SDK1: variants seen among roughly 807,000 people sequenced by gnomAD.
SDK1 encodes protein sidekick-1.
In SDK1, 157 loss-of-function variants were observed where a neutral mutation model predicts 245.5. The ratio of observed to expected loss-of-function variants is 0.64; its 90% CI spans 0.56 to 0.73. The LOEUF (loss-of-function observed/expected upper bound fraction) is 0.73. Among genes scored for constraint, SDK1 ranks in the 30% least tolerant of loss-of-function variants. The pLI is 0.00. For missense variants in SDK1, 3,583 were observed against 3,002.3 expected, an observed-to-expected ratio of 1.19 and a Z score of -4.52; for synonymous variants, 1,647 against 1,278.5, an observed-to-expected ratio of 1.29 and a Z score of -6.15.
intron 22 of SDK1, among the ~76,000 whole-genome samples, chr7:4,108,345 A>C (rs1439177448): frequency 6.6e-6 from 1 of 152,074 alleles, no homozygotes; most frequent in African/African-American, 2.4e-5. Flanking sequence ...ATCTATCCAC[A>C]TAACTCTTGT....
intron 1 of SDK1, among the ~76,000 whole-genome samples, chr7:3,445,121 A>T (rs1476348134): frequency 1.3e-5 from 2 of 152,158 alleles, no homozygotes; most frequent in African/African-American, 4.8e-5. Context: ...TACTCTGTTG[A>T]AAAGGCAGAT....
chr7:4,016,588 C>T (rs1786416604), intron 16 of SDK1, among the ~76,000 whole-genome samples: 2 of 152,212 alleles, frequency 1.3e-5, no homozygotes, highest in African/African-American at 4.8e-5. Flanking sequence ...ATGCTAAGAA[C>T]ATAGTACCCA....
At chr7:4,247,237 T>G (rs1786934303) in intron 44 of SDK1, among the ~76,000 whole-genome samples, 1 of 152,136 alleles carries the variant, frequency 6.6e-6, no homozygotes, top group African/African-American at 2.4e-5. Context: ...TCTTTTCAAC[T>G]GTGGGTTGTA....
At chr7:3,671,149 C>T (rs755328736) in intron 4 of SDK1, among the ~76,000 whole-genome samples, 1 of 152,152 alleles carries the variant, frequency 6.6e-6, no homozygotes, top group African/African-American at 2.4e-5. Flanking sequence ...AGTCATTACT[C>T]AGTATATTTA....
At chr7:3,893,287 T>A (rs1781507411) in intron 5 of SDK1, among the ~76,000 whole-genome samples, 1 of 151,920 alleles carries the variant, frequency 6.6e-6, no homozygotes, top group Non-Finnish European at 1.5e-5. Context: ...GGCACGGGGG[T>A]CATCCCACCT....
chr7:3,387,206 G>T (rs372429861), intron 1 of SDK1, among the ~76,000 whole-genome samples: 1 of 152,198 alleles, frequency 6.6e-6, no homozygotes, highest in African/African-American at 2.4e-5. Context: ...GTGTACTAGG[G>T]ATTGCCTACT....
At chr7:4,211,917 G>C (rs531593156) in intron 38 of SDK1, among the ~76,000 whole-genome samples, 79 of 152,242 alleles carry the variant, frequency 5.2e-4, no homozygotes, top group African/African-American at 1.9e-3. Flanking sequence ...CCCCTGCTTA[G>C]GTGTTATTCC....
rs767486872 is a variant in SDK1, at chr7:3,392,597, T to G, written c.298+90713T>G. ...CATTTCAAACAGAAACTGCAACTTC[T>G]AAGCAATAATTTCCCATTTCTTCCT... On this transcript the variant is annotated intron_variant, in intron 1 of 44. Transcript: ENST00000404826. Among the ~76,000 whole-genome samples, 171 of 152,310 alleles carry G rather than the reference T, an allele frequency of 1.1e-3. 2 individuals carry two copies. The highest frequency in any genetic ancestry group is 6.2e-4 in the South Asian group (3 of 4,828).
At chr7:3,345,944 C>T (rs529526622) in intron 1 of SDK1, among the ~76,000 whole-genome samples, 5 of 152,236 alleles carry the variant, frequency 3.3e-5, no homozygotes, top group East Asian at 1.9e-4. Flanking sequence ...TGCAGTTATT[C>T]GGTTCTTGTT....
At chr7:3,991,722 C>A (rs531674141) in intron 14 of SDK1, among the ~76,000 whole-genome samples, 1 of 152,142 alleles carries the variant, frequency 6.6e-6, no homozygotes, top group Non-Finnish European at 1.5e-5. Flanking sequence ...AGAGTGGGTA[C>A]CATGGTTGCC....
rs193084038 is a variant in SDK1 at position 4,121,385 on chromosome 7, G to A, written c.3824-5996G>A. ...TGATTGGATCATGGGGGCAATTTCC[G>A]CCATGCTGTTCTCATGATAGTGAGT... On this transcript the variant is annotated intron_variant, in intron 25 of 44. Coordinates refer to ENST00000404826, the MANE Select transcript of SDK1 (RefSeq NM_152744.4). Among the ~76,000 whole-genome samples, 25 of 152,160 alleles carry A rather than the reference G, an allele frequency of 1.6e-4. No homozygotes were observed. The South Asian group carries it at 2.9e-3, about 18-fold the overall frequency.
At chr7:3,827,563 A>G (rs1779808243) in intron 5 of SDK1, among the ~76,000 whole-genome samples, 1 of 152,258 alleles carries the variant, frequency 6.6e-6, no homozygotes, top group Non-Finnish European at 1.5e-5. Context: ...TTTGCTGTCT[A>G]CAAAACGAGG....
At chr7:4,191,510 A>G (rs1244520808) in intron 35 of SDK1, among the ~76,000 whole-genome samples, 1 of 152,252 alleles carries the variant, frequency 6.6e-6, no homozygotes, top group Non-Finnish European at 1.5e-5. Flanking sequence ...CCAGGTCGCC[A>G]CGCTGGCAGC....
chr7:3,405,148 T>TAA (rs796268534), intron 1 of SDK1, among the ~76,000 whole-genome samples: 6 of 131,610 alleles, frequency 4.6e-5, no homozygotes, highest in African/African-American at 2.0e-4. Flanking sequence ...TCCTCATTTG[T>TAA]AAAAAAAAAC....
chr7:3,392,183 A>C (rs1379662022), intron 1 of SDK1, among the ~76,000 whole-genome samples: 73 of 152,064 alleles, frequency 4.8e-4, no homozygotes, highest in Admixed American at 4.8e-3. Context: ...ACATTTTCAA[A>C]CTTTACAGAA....
At chr7:3,884,193 A>T (rs952293149) in intron 5 of SDK1, among the ~76,000 whole-genome samples, 1 of 149,780 alleles carries the variant, frequency 6.7e-6, no homozygotes, top group Non-Finnish European at 1.5e-5. Flanking sequence ...CGATCCTCCC[A>T]CCTCAGCCTC....
chr7:4,126,782 A>C lies in SDK1; in HGVS notation c.3824-599A>C, dbSNP rs1784416671. On this transcript the variant is annotated intron_variant, in intron 25 of 44. Transcript: ENST00000404826. Reference sequence around the variant, plus strand: ...GCTGCCCATCTCCTTTTAGAAAAACATTCATTGAAATGGATGAATGCGATT... The same window carrying C: ...GCTGCCCATCTCCTTTTAGAAAAACCTTCATTGAAATGGATGAATGCGATT... 2.6e-5 allele frequency among the ~76,000 whole-genome samples: 4 copies of C among 152,252 alleles called. No individual in the cohort carries two copies. In the South Asian group the frequency reaches 6.2e-4, roughly 24 times the overall value.
intron 1 of SDK1, among the ~76,000 whole-genome samples, chr7:3,385,288 T>C (rs546136406): frequency 6.6e-6 from 1 of 152,306 alleles, no homozygotes; most frequent in Admixed American, 6.5e-5. Context: ...AATTGGAAGG[T>C]ACGCTGTGAA....
Position 4,008,194 on chromosome 7 carries a change from T to C in SDK1, c.2132-2772T>C, listed in dbSNP as rs77025246. ...TGTAGTATACTGTCCTCAAGGTTCA[T>C]CCATGTTCCGCCATGTGTCCTAATT... On this transcript the variant is annotated intron_variant, in intron 14 of 44. Transcript: ENST00000404826. 2.0e-5 allele frequency among the ~76,000 whole-genome samples: 3 copies of C among 152,366 alleles called. No homozygotes were observed. The East Asian group carries it at 5.8e-4, about 29-fold the overall frequency.
Sources: allele counts gnomAD v4.1 joint callset (sites outside exome capture counted in the v4.1 genomes callset), GRCh38; gene constraint gnomAD v4.1.1; transcripts MANE v1.5; gene names NCBI Gene and HGNC (gene_info 2026-07-23, HGNC 2026-07-21).